The following FAM20C variants were observed in gnomAD, a reference collection of about 807,000 sequenced individuals.
FAM20C encodes the protein FAM20C golgi associated secretory pathway kinase.
In FAM20C, 40 loss-of-function variants were observed where a neutral mutation model predicts 51.5. That is an observed-to-expected ratio of 0.78 (90% CI 0.60 to 1.01). FAM20C has a LOEUF of 1.01. Ranked by LOEUF, FAM20C falls within the 50% of genes least tolerant of loss-of-function variation. FAM20C has a pLI of 0.00. For synonymous variants in FAM20C, 406 were observed against 380.6 expected (o/e 1.07, Z -0.78); for missense variants, 861 against 844.7 (o/e 1.02, Z -0.24).
chr7:253,832 G>A (rs573090712), intron 5 of FAM20C, among the ~76,000 whole-genome samples: 8 of 152,330 alleles, frequency 5.3e-5, no homozygotes, highest in East Asian at 1.9e-4. Context: ...ATCTGAAACC[G>A]GCTTAGGCGA....
intron 3 of FAM20C, among the ~76,000 whole-genome samples, chr7:244,920 C>T (rs1417044114): frequency 2.0e-5 from 3 of 152,192 alleles, no homozygotes; most frequent in African/African-American, 4.8e-5. Context: ...TCCGGGAACA[C>T]GGAGAATTGT....
intron 5 of FAM20C, among the ~76,000 whole-genome samples, chr7:254,515 G>A (rs920104293): frequency 5.3e-5 from 8 of 152,356 alleles, no homozygotes; most frequent in Admixed American, 2.0e-4. Flanking sequence ...GCCGTCGGCC[G>A]GGCCTCCAGC....
At chr7:252,848 C>G (rs865827508) in intron 5 of FAM20C, among the ~76,000 whole-genome samples, 1 of 152,240 alleles carries the variant, frequency 6.6e-6, no homozygotes, top group African/African-American at 2.4e-5. Context: ...AAGCCCCAAA[C>G]GCTCACAGAA....
chr7:220,007 C>T (rs368052595), intron 3 of FAM20C, among the ~76,000 whole-genome samples: 1 of 152,272 alleles, frequency 6.6e-6, no homozygotes, highest in East Asian at 1.9e-4. Flanking sequence ...GGGTGTGGGC[C>T]GGCCTCCAAG....
At chr7:219,098 G>T (rs998933219) in intron 3 of FAM20C, among the ~76,000 whole-genome samples, 1 of 152,188 alleles carries the variant, frequency 6.6e-6, no homozygotes, top group Admixed American at 6.5e-5. Flanking sequence ...CGTCACCATG[G>T]GTGGTGGTGG....
chr7:230,723 T>C (rs1168174183), intron 3 of FAM20C, among the ~76,000 whole-genome samples: 1 of 152,022 alleles, frequency 6.6e-6, no homozygotes, highest in Non-Finnish European at 1.5e-5. Flanking sequence ...GTGTGTTTAC[T>C]GCCCTCAGTA....
chr7:194,783 C>CCT (rs1562358667), intron 1 of FAM20C, among the ~76,000 whole-genome samples: 1 of 140,514 alleles, frequency 7.1e-6, no homozygotes. Context: ...CCCCCCACCC[C>CCT]GCCCCCGTGT....
At chr7:247,558 T>C (rs1788218407) in intron 4 of FAM20C, among the ~76,000 whole-genome samples, 1 of 151,936 alleles carries the variant, frequency 6.6e-6, no homozygotes, top group African/African-American at 2.4e-5. Context: ...TACATTGGAG[T>C]TTAAAGGGCT....
chr7:257,125 C>T (rs1022967173), intron 8 of FAM20C, 39 bp downstream of exon 8: 23 of 1,525,626 alleles, frequency 1.5e-5, no homozygotes, highest in Admixed American at 9.8e-5. Context: ...AGGGAAGGGC[C>T]GGCCACCTCC....
chr7:233,267 G>C (rs1029487937), intron 3 of FAM20C, among the ~76,000 whole-genome samples: 27,309 of 152,150 alleles, frequency 0.18, 5,716 homozygotes, highest in African/African-American at 0.51. Context: ...GCCTTCTCTC[G>C]ATCATTCTGT....
intron 3 of FAM20C, among the ~76,000 whole-genome samples, chr7:244,384 A>G (rs1015507194): frequency 6.6e-6 from 1 of 152,200 alleles, no homozygotes; most frequent in African/African-American, 2.4e-5. Context: ...ACACTCCAGA[A>G]TTTACCACCC....
intron 3 of FAM20C, among the ~76,000 whole-genome samples, chr7:217,653 G>A (rs1178578670): frequency 1.3e-5 from 2 of 152,172 alleles, no homozygotes; most frequent in East Asian, 3.8e-4. Context: ...CCCATGTCTA[G>A]GGCCAGGCAG....
At chr7:198,604 T>G (rs1785991474) in intron 2 of FAM20C, among the ~76,000 whole-genome samples, 1 of 152,014 alleles carries the variant, frequency 6.6e-6, no homozygotes, top group Admixed American at 6.5e-5. Flanking sequence ...GGGCATGCCA[T>G]GATCCACACC....
chr7:224,000 C>T (rs1432137938), intron 3 of FAM20C, among the ~76,000 whole-genome samples: 9 of 152,130 alleles, frequency 5.9e-5, no homozygotes, highest in Non-Finnish European at 1.0e-4. Flanking sequence ...GCTCCCGGCC[C>T]GCCAGCACCA....
intron 1 of FAM20C, among the ~76,000 whole-genome samples, chr7:194,712 T>C (rs1463488856): frequency 6.6e-6 from 1 of 152,108 alleles, no homozygotes; most frequent in Admixed American, 6.5e-5. Context: ...GCCTGGGCTG[T>C]GGCTCTCGGC....
intron 1 of FAM20C, 72 bp from the exon 2 acceptor site, chr7:195,482 G>GCCCTCTCCCCGTCAT (rs1382273068): frequency 3.8e-6 from 5 of 1,328,746 alleles, no homozygotes; most frequent in Middle Eastern, 2.0e-4. Context: ...TGGCGTCGGT[G>GCCCTCTCCCCGTCAT]CCCTCTCCCC....
chr7:259,941 C>G lies in FAM20C; in HGVS notation c.1716C>G (p.Asp572Glu). ...ACGGGCTCCACAGCGTGGTGGATGA[C>G]GACCTGGACACTGAGCACAGAGCCG... ...ERNGLHSVVDDDLDTEHRAAS... is the reference protein window; with the variant it reads ...ERNGLHSVVDEDLDTEHRAAS... The change falls in exon 10 of 10, where the codon GAC (aspartate) becomes GAG (glutamate). Residue 572 changes from aspartate (D) to glutamate (E), a missense_variant. This residue lies in a region of FAM20C where 269 missense variants were observed against 283.8 expected (regional missense o/e 0.95). Coordinates refer to ENST00000313766, the MANE Select transcript of FAM20C (RefSeq NM_020223.4). The G allele has an allele frequency of 1.3e-6, 2 of 1,529,722 alleles. No homozygotes were observed. Among genetic ancestry groups the G allele is most frequent in the Non-Finnish European group, 8.8e-7 (1 of 1,141,666 alleles). 94.8% of individuals were successfully genotyped at this position (1,529,722 alleles called of 1,614,324 possible).
intron 3 of FAM20C, among the ~76,000 whole-genome samples, chr7:216,684 A>AGTGTGTGT (rs1176075605): frequency 1.1e-4 from 16 of 149,486 alleles, no homozygotes; most frequent in South Asian, 2.1e-4. Context: ...TGTGTGTGAG[A>AGTGTGTGT]GTGTGTGTGT....
At chr7:253,902 G>A (rs1788496378) in intron 5 of FAM20C, among the ~76,000 whole-genome samples, 1 of 152,258 alleles carries the variant, frequency 6.6e-6, no homozygotes. Flanking sequence ...GCGCTCAGAT[G>A]AAGATTTTCC....
Sources: gnomAD v4.1 joint callset for allele counts (sites outside exome capture counted in the v4.1 genomes callset) on GRCh38, gnomAD v4.1.1 for gene constraint, gnomAD v4.1.1 regional missense constraint, MANE v1.5 for transcripts, NCBI Gene and HGNC (gene_info 2026-07-23, HGNC 2026-07-21) for gene names.